SIPA1L1: variants seen among roughly 807,000 people sequenced by gnomAD.
The protein encoded by SIPA1L1 is signal induced proliferation associated 1 like 1, also known as signal-induced proliferation-associated 1-like protein 1.
SIPA1L1 carries 26 observed loss-of-function variants against 162.7 expected under a neutral mutation model. That is an observed-to-expected ratio of 0.16 (90% CI 0.12 to 0.22). SIPA1L1 has a LOEUF of 0.22. SIPA1L1 is among the 10% of genes least tolerant of loss of function. The pLI is 1.00. For synonymous variants in SIPA1L1, 829 were observed against 837.4 expected (o/e 0.99, Z 0.17); for missense variants, 1,874 against 2,241.0 (o/e 0.84, Z 3.31).
intron 4 of SIPA1L1, among the ~76,000 whole-genome samples, chr14:71,544,054 TGTATGTATATACACACGCAC>T: frequency 6.6e-6 from 1 of 151,224 alleles, no homozygotes; most frequent in East Asian, 1.9e-4. Flanking sequence ...CGCACGCACA[TGTATGTATATACACACGCAC>T]GCACATGTAT....
chr14:71,722,961 C>T (rs972025667), intron 17 of SIPA1L1, among the ~76,000 whole-genome samples: 1 of 152,252 alleles, frequency 6.6e-6, no homozygotes, highest in African/African-American at 2.4e-5. Flanking sequence ...GTTTCGAACT[C>T]ATGACCTCAG....
intron 6 of SIPA1L1, among the ~76,000 whole-genome samples, chr14:71,620,164 G>A (rs1001697054): frequency 6.6e-6 from 1 of 152,168 alleles, no homozygotes; most frequent in Non-Finnish European, 1.5e-5. Context: ...TTGTCTCCTG[G>A]GTTCAAGTGA....
intron 8 of SIPA1L1, among the ~76,000 whole-genome samples, chr14:71,650,914 A>G (rs2042566121): frequency 1.3e-5 from 2 of 152,208 alleles, no homozygotes; most frequent in East Asian, 3.9e-4. Flanking sequence ...ATGTTTATCT[A>G]TGTAGTCAGC....
intron 2 of SIPA1L1, among the ~76,000 whole-genome samples, chr14:71,487,949 GAGAC>G (rs2142975630): frequency 6.6e-6 from 1 of 152,338 alleles, no homozygotes; most frequent in South Asian, 2.1e-4. Flanking sequence ...GGAACTGGGG[GAGAC>G]AGACAGATAC....
intron 16 of SIPA1L1, among the ~76,000 whole-genome samples, chr14:71,708,322 CTT>C (rs1174900047): frequency 3.5e-4 from 48 of 137,374 alleles, no homozygotes; most frequent in Admixed American, 5.1e-4. Context: ...TTCTTTCTTT[CTT>C]TTTTTTTTTT....
At chr14:71,578,050 A>G (rs1331053595) in intron 4 of SIPA1L1, among the ~76,000 whole-genome samples, 1 of 151,944 alleles carries the variant, frequency 6.6e-6, no homozygotes, top group African/African-American at 2.4e-5. Context: ...ACCTCGGATT[A>G]CAGGCACACG....
chr14:71,507,723 C>T (rs1422263732), intron 2 of SIPA1L1, among the ~76,000 whole-genome samples: 1 of 152,148 alleles, frequency 6.6e-6, no homozygotes. Flanking sequence ...TTCATTATTG[C>T]CATTTCCTTT....
At chr14:71,455,848 C>A (rs923615101) in intron 2 of SIPA1L1, among the ~76,000 whole-genome samples, 1 of 151,990 alleles carries the variant, frequency 6.6e-6, no homozygotes, top group Non-Finnish European at 1.5e-5. Context: ...ATTTATGATG[C>A]CTTTCCCTTC....
chr14:71,521,117 GC>G (rs2052309246), intron 3 of SIPA1L1, among the ~76,000 whole-genome samples: 1 of 152,088 alleles, frequency 6.6e-6, no homozygotes, highest in South Asian at 2.1e-4. Context: ...ATTAGGAATT[GC>G]ACTGCTATGA....
At chr14:71,731,748 G>T (rs1238804799) in intron 20 of SIPA1L1, among the ~76,000 whole-genome samples, 1 of 152,222 alleles carries the variant, frequency 6.6e-6, no homozygotes, top group Non-Finnish European at 1.5e-5. Flanking sequence ...GGAGTCCTGG[G>T]ACTAGAGGCC....
intron 13 of SIPA1L1, among the ~76,000 whole-genome samples, chr14:71,689,838 C>T (rs2081126305): frequency 6.6e-6 from 1 of 152,074 alleles, no homozygotes; most frequent in Admixed American, 6.6e-5. Flanking sequence ...CGTCTGCAGC[C>T]TCCCTCCCTC....
intron 12 of SIPA1L1, among the ~76,000 whole-genome samples, chr14:71,684,259 G>A (rs2046069401): frequency 6.6e-6 from 1 of 152,198 alleles, no homozygotes; most frequent in Admixed American, 6.5e-5. Context: ...ATGCATTATG[G>A]AATACACATT....
At chr14:71,709,754 TAAGGA>T (rs2082728418) in intron 17 of SIPA1L1, 90 bp downstream of exon 17, 1 of 1,084,714 alleles carries the variant, frequency 9.2e-7, no homozygotes, top group African/African-American at 1.6e-5. Context: ...CAATAGTGTA[TAAGGA>T]AAGGAGGTTT....
chr14:71,572,047 G>A (rs1222249311), intron 4 of SIPA1L1, among the ~76,000 whole-genome samples: 2 of 152,110 alleles, frequency 1.3e-5, no homozygotes, highest in African/African-American at 2.4e-5. Flanking sequence ...GCAGCATCCC[G>A]AGAAGGCGAT....
intron 2 of SIPA1L1, among the ~76,000 whole-genome samples, chr14:71,445,431 G>A (rs950345823): frequency 2.6e-5 from 4 of 151,998 alleles, no homozygotes; most frequent in African/African-American, 9.7e-5. Flanking sequence ...TTAAAATAAA[G>A]TCTAAGTTTT....
chr14:71,620,070 T>G (rs192747675), intron 6 of SIPA1L1, among the ~76,000 whole-genome samples: 6 of 152,174 alleles, frequency 3.9e-5, no homozygotes, highest in African/African-American at 1.4e-4. Context: ...CAGTTTAGTT[T>G]GTTTGTTTGT....
At chr14:71,736,359 T>G (rs190051024) in intron 22 of SIPA1L1, among the ~76,000 whole-genome samples, 85 of 152,328 alleles carry the variant, frequency 5.6e-4, no homozygotes, top group Non-Finnish European at 1.0e-3. Flanking sequence ...ATCGCACCAC[T>G]GTACTCCAGC....
At chr14:71,609,643 T>G (rs1041958499) in intron 5 of SIPA1L1, among the ~76,000 whole-genome samples, 1 of 151,876 alleles carries the variant, frequency 6.6e-6, no homozygotes, top group Non-Finnish European at 1.5e-5. Flanking sequence ...GTTTTTGAAT[T>G]TTTAGTGGAG....
At chr14:71,674,347 G>T (rs1394091725) in intron 12 of SIPA1L1, among the ~76,000 whole-genome samples, 1 of 152,132 alleles carries the variant, frequency 6.6e-6, no homozygotes, top group Non-Finnish European at 1.5e-5. Flanking sequence ...TAGAAAGATG[G>T]ATAAGAGGCC....
Sources: allele counts gnomAD v4.1 joint callset (sites outside exome capture counted in the v4.1 genomes callset), GRCh38; gene constraint gnomAD v4.1.1; transcripts MANE v1.5; gene names NCBI Gene and HGNC (gene_info 2026-07-23, HGNC 2026-07-21).